The following PLD5 variants were observed in gnomAD, a reference collection of about 807,000 sequenced individuals.
PLD5 encodes the protein inactive phospholipase D5.
Under a neutral mutation model 61.1 loss-of-function variants are expected in PLD5, and 36 were observed. The observed-to-expected ratio is 0.59, with a 90% CI of 0.45 to 0.78. The LOEUF (loss-of-function observed/expected upper bound fraction) is 0.78, where lower values mean the gene tolerates loss of function less well. Among genes scored for constraint, PLD5 ranks in the 30% least tolerant of loss-of-function variants. The probability of loss-of-function intolerance (pLI) is 0.00; values close to 1 mark genes in which losing one functional copy is unlikely to be tolerated. For synonymous variants in PLD5, 243 were observed against 242.8 expected, an observed-to-expected ratio of 1.00 and a Z score of -0.01; for missense variants, 515 against 644.4, an observed-to-expected ratio of 0.80 and a Z score of 2.17.
chr1:242,450,450 A>G (rs368396578), intron 1 of PLD5, among the ~76,000 whole-genome samples: 1 of 152,146 alleles, frequency 6.6e-6, no homozygotes, highest in African/African-American at 2.4e-5. Flanking sequence ...GCAAAGTCCC[A>G]CAAATTGGTA....
chr1:242,293,068 CATTCTT>C (rs912829283), intron 2 of PLD5, among the ~76,000 whole-genome samples: 49 of 152,296 alleles, frequency 3.2e-4, no homozygotes, highest in Non-Finnish European at 5.9e-4. Flanking sequence ...ATTACAAACA[CATTCTT>C]ATAAGATTTT....
At chr1:242,390,748 G>A (rs1400800059) in intron 1 of PLD5, among the ~76,000 whole-genome samples, 7 of 152,146 alleles carry the variant, frequency 4.6e-5, no homozygotes, top group African/African-American at 1.7e-4. Flanking sequence ...CTGAAACTAT[G>A]CTTGACTTAG....
chr1:242,221,287 C>T (rs987976730), intron 4 of PLD5, among the ~76,000 whole-genome samples: 4 of 152,070 alleles, frequency 2.6e-5, no homozygotes, highest in Non-Finnish European at 4.4e-5. Flanking sequence ...GGTCTATTCC[C>T]TTTAAAATAA....
chr1:242,450,380 C>T (rs1374234160), intron 1 of PLD5, among the ~76,000 whole-genome samples: 2 of 152,212 alleles, frequency 1.3e-5, no homozygotes, highest in Non-Finnish European at 2.9e-5. Flanking sequence ...ATCTATTCCA[C>T]TCTAGAATAT....
intron 1 of PLD5, among the ~76,000 whole-genome samples, chr1:242,470,354 AAAAGAAAG>A (rs375557724): frequency 0.051 from 7,160 of 141,272 alleles, 192 homozygotes; most frequent in Middle Eastern, 0.065. Context: ...AGAAAAAAAA[AAAAGAAAG>A]AAAGAAAGAA....
intron 2 of PLD5, among the ~76,000 whole-genome samples, chr1:242,332,099 A>C (rs1407227833): frequency 1.3e-5 from 2 of 151,258 alleles, no homozygotes; most frequent in South Asian, 2.1e-4. Flanking sequence ...ATGTGTTCTC[A>C]TTGTTCAACT....
intron 1 of PLD5, among the ~76,000 whole-genome samples, chr1:242,453,918 C>G (rs1666864782): frequency 6.6e-6 from 1 of 152,178 alleles, no homozygotes; most frequent in Non-Finnish European, 1.5e-5. Flanking sequence ...TTAGCCTCAC[C>G]CACTCCTTCT....
chr1:242,187,021 A>G (rs1257165594), intron 5 of PLD5, among the ~76,000 whole-genome samples: 1 of 152,222 alleles, frequency 6.6e-6, no homozygotes, highest in Non-Finnish European at 1.5e-5. Flanking sequence ...AGGAGATTAA[A>G]ATCAAATCTG....
chr1:242,387,743 A>AAAATTT (rs1317275360), intron 1 of PLD5, among the ~76,000 whole-genome samples: 3 of 149,028 alleles, frequency 2.0e-5, no homozygotes, highest in Admixed American at 6.7e-5. Context: ...TATTTTATAT[A>AAAATTT]TGATATATAT....
chr1:242,501,049 TG>T (rs1558151286), intron 1 of PLD5, among the ~76,000 whole-genome samples: 1 of 152,184 alleles, frequency 6.6e-6, no homozygotes, highest in Non-Finnish European at 1.5e-5. Flanking sequence ...GTCCTCTACA[TG>T]GAACATTAGT....
chr1:242,181,860 C>T (rs1032872524), intron 5 of PLD5, among the ~76,000 whole-genome samples: 3 of 152,128 alleles, frequency 2.0e-5, no homozygotes, highest in Admixed American at 1.3e-4. Context: ...CCAGGACGGT[C>T]TCGATCTCTT....
At chr1:242,372,778 A>T (rs1315071303) in intron 1 of PLD5, among the ~76,000 whole-genome samples, 1 of 152,188 alleles carries the variant, frequency 6.6e-6, no homozygotes, top group Non-Finnish European at 1.5e-5. Context: ...CTTACACCTT[A>T]TACAAAAATT....
chr1:242,478,457 C>T (rs116829118), intron 1 of PLD5, among the ~76,000 whole-genome samples: 13 of 152,246 alleles, frequency 8.5e-5, no homozygotes, highest in Non-Finnish European at 1.5e-4. Flanking sequence ...CCTGTCACTG[C>T]GAGGGACTAG....
chr1:242,289,411 C>T (rs1017261668), intron 2 of PLD5, among the ~76,000 whole-genome samples: 17 of 152,142 alleles, frequency 1.1e-4, no homozygotes, highest in African/African-American at 3.4e-4. Flanking sequence ...TGCAGTGGTG[C>T]GATCTTGGCT....
chr1:242,384,229 C>A (rs1662467252), intron 1 of PLD5, among the ~76,000 whole-genome samples: 1 of 152,174 alleles, frequency 6.6e-6, no homozygotes, highest in Non-Finnish European at 1.5e-5. Flanking sequence ...AGAAAACGCA[C>A]CATTAAATTA....
At chr1:242,240,072 A>T (rs561724682) in intron 4 of PLD5, among the ~76,000 whole-genome samples, 1 of 152,354 alleles carries the variant, frequency 6.6e-6, no homozygotes, top group South Asian at 2.1e-4. Flanking sequence ...CTTAACTGTC[A>T]ACCTCTTCAA....
At chr1:242,512,482 G>A (rs984648186) in intron 1 of PLD5, among the ~76,000 whole-genome samples, 4 of 151,620 alleles carry the variant, frequency 2.6e-5, no homozygotes, top group East Asian at 1.9e-4. Flanking sequence ...GTGTCTTACC[G>A]TCTCTGATCA....
chr1:242,407,550 G>GCTGT (rs1553369629), intron 1 of PLD5, among the ~76,000 whole-genome samples: 1 of 146,302 alleles, frequency 6.8e-6, no homozygotes, highest in East Asian at 2.0e-4. Flanking sequence ...TTTTTTTGTT[G>GCTGT]TGGTTGTTTT....
intron 2 of PLD5, among the ~76,000 whole-genome samples, chr1:242,335,704 G>A (rs2149206583): frequency 6.6e-6 from 1 of 152,262 alleles, no homozygotes. Context: ...ATCTTATAGA[G>A]TAAATGTTAC....
Sources: gnomAD v4.1 joint callset for allele counts (sites outside exome capture counted in the v4.1 genomes callset) on GRCh38, gnomAD v4.1.1 for gene constraint, MANE v1.5 for transcripts, NCBI Gene and HGNC (gene_info 2026-07-23, HGNC 2026-07-21) for gene names.